CDH2: variants seen among roughly 807,000 people sequenced by gnomAD.
CDH2 encodes cadherin-2.
A neutral mutation model predicts 92.0 loss-of-function variants in CDH2; 17 were observed. The observed-to-expected ratio is 0.18, with a 90% confidence interval of 0.13 to 0.28. The LOEUF (loss-of-function observed/expected upper bound fraction) is 0.28, where lower values mean the gene tolerates loss of function less well. Ranked by LOEUF, CDH2 falls within the 10% of genes least tolerant of loss-of-function variation. The probability of loss-of-function intolerance (pLI) is 1.00; values close to 1 mark genes in which losing one functional copy is unlikely to be tolerated. For missense variants in CDH2, 862 were observed against 1,133.1 expected (o/e 0.76, Z 3.44); for synonymous variants, 419 against 415.9 (o/e 1.01, Z -0.09).
intron 2 of CDH2, chr18:28,036,719 C>A: frequency 1.7e-6 from 1 of 604,612 alleles, no homozygotes; most frequent in Non-Finnish European, 2.9e-6. Flanking sequence ...GTGGCTCAAA[C>A]AGAGCCCTTA....
intron 2 of CDH2, among the ~76,000 whole-genome samples, chr18:28,036,033 C>A (rs1435524128): frequency 6.6e-6 from 1 of 152,080 alleles, no homozygotes; most frequent in African/African-American, 2.4e-5. Flanking sequence ...AAAGTATAAA[C>A]TTTACCACAA....
rs1022801611 is a variant in CDH2, at chr18:28,024,170, A to C, written c.173-10261T>G. On this transcript the variant is annotated intron_variant, in intron 2 of 15. Coordinates refer to ENST00000269141, the MANE Select transcript of CDH2 (RefSeq NM_001792.5). ...GTCATGCAAGTAGCTTCACTTCATCACTTTTGCATGCAAATGAAATGTTTA... is the reference window on the plus strand; with the variant it reads ...GTCATGCAAGTAGCTTCACTTCATCCCTTTTGCATGCAAATGAAATGTTTA... 3.5e-4 allele frequency among the ~76,000 whole-genome samples: 53 copies of C among 152,142 alleles called. 1 individual carries two copies. Among genetic ancestry groups the C allele is most frequent in the African/African-American group, 1.3e-3 (53 of 41,438 alleles).
At chr18:28,116,492 A>C (rs183654815) in intron 2 of CDH2, among the ~76,000 whole-genome samples, 1 of 152,310 alleles carries the variant, frequency 6.6e-6, no homozygotes, top group Non-Finnish European at 1.5e-5. Context: ...TTAGCTTAGA[A>C]CAAAGCAAAG....
At chr18:28,109,301 T>A (rs1009870089) in intron 2 of CDH2, among the ~76,000 whole-genome samples, 4 of 152,232 alleles carry the variant, frequency 2.6e-5, no homozygotes, top group African/African-American at 9.6e-5. Context: ...AACACTGTTA[T>A]GTCAGAAAAT....
chr18:28,103,416 ATAAAG>A (rs1242310881), intron 2 of CDH2, among the ~76,000 whole-genome samples: 2 of 143,098 alleles, frequency 1.4e-5, no homozygotes, highest in African/African-American at 5.2e-5. Context: ...ATGTATATAT[ATAAAG>A]TATACATATA....
intron 2 of CDH2, among the ~76,000 whole-genome samples, chr18:28,121,125 A>C (rs1209453995): frequency 6.6e-6 from 1 of 152,154 alleles, no homozygotes; most frequent in Non-Finnish European, 1.5e-5. Context: ...GCTTTCAATC[A>C]ACTAAAAATG....
chr18:27,986,843 G>A (rs933013560), intron 11 of CDH2, among the ~76,000 whole-genome samples: 6 of 152,248 alleles, frequency 3.9e-5, no homozygotes, highest in Middle Eastern at 3.4e-3. Flanking sequence ...GAGGGACTTC[G>A]AAATTTACTA....
intron 2 of CDH2, among the ~76,000 whole-genome samples, chr18:28,124,801 C>A (rs8089347): frequency 6.6e-6 from 1 of 152,018 alleles, no homozygotes; most frequent in African/African-American, 2.4e-5. Flanking sequence ...TGGGTTTGGC[C>A]ACTAAATAGC....
At chr18:28,077,446 T>C (rs1438692333) in intron 2 of CDH2, among the ~76,000 whole-genome samples, 1 of 152,180 alleles carries the variant, frequency 6.6e-6, no homozygotes, top group Non-Finnish European at 1.5e-5. Flanking sequence ...CATTCAACAT[T>C]CCTGCATATG....
intron 2 of CDH2, among the ~76,000 whole-genome samples, chr18:28,042,408 G>A (rs1014935373): frequency 6.6e-6 from 1 of 152,102 alleles, no homozygotes; most frequent in Non-Finnish European, 1.5e-5. Context: ...ATGGTATTAT[G>A]GCTGGTGTAT....
chr18:27,937,118 A>G (rs1275191993), intron 6 of CDH2, among the ~76,000 whole-genome samples: 1 of 152,174 alleles, frequency 6.6e-6, no homozygotes, highest in Non-Finnish European at 1.5e-5. Flanking sequence ...CATTAACAGA[A>G]TTGAAATTGT....
intron 2 of CDH2, among the ~76,000 whole-genome samples, chr18:28,071,225 C>T (rs1214304767): frequency 6.6e-6 from 1 of 152,002 alleles, no homozygotes; most frequent in Non-Finnish European, 1.5e-5. Flanking sequence ...ATTTTTGCTC[C>T]CTCCCTTTCT....
intron 2 of CDH2, among the ~76,000 whole-genome samples, chr18:28,101,790 T>C (rs1202957257): frequency 6.6e-6 from 1 of 152,162 alleles, no homozygotes; most frequent in Non-Finnish European, 1.5e-5. Context: ...AAAGGGCTTC[T>C]AATTTCCTTG....
chr18:28,024,116 T>C (rs1284985609), intron 2 of CDH2, among the ~76,000 whole-genome samples: 1 of 152,178 alleles, frequency 6.6e-6, no homozygotes, highest in Non-Finnish European at 1.5e-5. Context: ...CTAAGATGGC[T>C]GTTTTGGGGT....
intron 14 of CDH2, among the ~76,000 whole-genome samples, chr18:27,982,023 T>C (rs766975767): frequency 6.6e-6 from 1 of 152,210 alleles, no homozygotes; most frequent in Non-Finnish European, 1.5e-5. Context: ...GAAACCTGAA[T>C]GCAAACTCTG....
At chr18:28,063,728 A>G (rs2014450613) in intron 2 of CDH2, among the ~76,000 whole-genome samples, 2 of 152,178 alleles carry the variant, frequency 1.3e-5, no homozygotes, top group Admixed American at 6.5e-5. Context: ...CTTGGTTAGG[A>G]CAGATGTGAC....
At chr18:28,103,474 TATATATACACACACACACACACAC>T (rs2015268154) in intron 2 of CDH2, among the ~76,000 whole-genome samples, 1 of 61,884 alleles carries the variant, frequency 1.6e-5, no homozygotes, top group Non-Finnish European at 3.5e-5. Context: ...AAAGTATGTA[TATATATACACACACACACACACAC>T]ATATATACAC....
chr18:28,160,520 A>T (rs899882434), intron 1 of CDH2, among the ~76,000 whole-genome samples: 1 of 152,230 alleles, frequency 6.6e-6, no homozygotes, highest in Non-Finnish European at 1.5e-5. Context: ...GGATTCTGAC[A>T]GCTCGACCAC....
intron 2 of CDH2, among the ~76,000 whole-genome samples, chr18:28,107,527 T>C (rs957258713): frequency 6.6e-6 from 1 of 152,192 alleles, no homozygotes; most frequent in African/African-American, 2.4e-5. Context: ...AATGACTTAA[T>C]AGGAGTATAA....
Sources: allele counts gnomAD v4.1 joint callset (sites outside exome capture counted in the v4.1 genomes callset), GRCh38; gene constraint gnomAD v4.1.1; transcripts MANE v1.5; gene names NCBI Gene and HGNC (gene_info 2026-07-23, HGNC 2026-07-21).